Variants in TCERG1L observed in about 807,000 individuals in gnomAD.
TCERG1L encodes transcription elongation regulator 1-like protein.
In TCERG1L, 37 loss-of-function variants were observed where a neutral mutation model predicts 56.3. That is an observed-to-expected ratio of 0.66 (90% CI 0.51 to 0.87). The LOEUF is 0.87. Among genes scored for constraint, TCERG1L ranks in the 40% least tolerant of loss-of-function variants. The probability of loss-of-function intolerance (pLI) is 0.00; values close to 1 mark genes in which losing one functional copy is unlikely to be tolerated. For synonymous variants in TCERG1L, 324 were observed against 326.3 expected (o/e 0.99, Z 0.08); for missense variants, 799 against 774.2 (o/e 1.03, Z -0.38).
chr10:131,126,590 A>C (rs1433823034), intron 8 of TCERG1L, among the ~76,000 whole-genome samples: 1 of 151,952 alleles, frequency 6.6e-6, no homozygotes, highest in Non-Finnish European at 1.5e-5. Context: ...TTTGCGACAG[A>C]CTCTGCTGGG....
chr10:131,104,414 C>G, intron 9 of TCERG1L, 60 bp from the exon 10 acceptor site: 2 of 1,109,058 alleles, frequency 1.8e-6, no homozygotes, highest in South Asian at 2.7e-5. Context: ...TGAAGCCGCC[C>G]TGAAATGATC....
chr10:131,258,131 G>A (rs777308579), intron 4 of TCERG1L, among the ~76,000 whole-genome samples: 98 of 151,938 alleles, frequency 6.4e-4, no homozygotes, highest in Middle Eastern at 3.4e-3. Context: ...TCCTGCCCCT[G>A]CCCAGTTCAT....
chr10:131,099,519 C>G (rs1232071591), intron 10 of TCERG1L, among the ~76,000 whole-genome samples: 2 of 152,164 alleles, frequency 1.3e-5, no homozygotes, highest in Non-Finnish European at 2.9e-5. Context: ...CAACTGGGCA[C>G]CAATCCAACC....
chr10:131,205,231 C>T (rs1433433682), intron 4 of TCERG1L, among the ~76,000 whole-genome samples: 4 of 152,136 alleles, frequency 2.6e-5, no homozygotes, highest in African/African-American at 9.7e-5. Flanking sequence ...TTATGGAACG[C>T]CACATAATTA....
At chr10:131,302,606 TTC>T (rs1186696856) in intron 3 of TCERG1L, among the ~76,000 whole-genome samples, 1 of 62,954 alleles carries the variant, frequency 1.6e-5, no homozygotes, top group East Asian at 4.9e-4. Flanking sequence ...GCCCTCCCAA[TTC>T]TTTTTTTTTT....
rs187255200 is a variant in TCERG1L, at chr10:131,131,095, T to C, written c.1259+3284A>G. Among the ~76,000 whole-genome samples the C allele has an allele frequency of 9.1e-4, 138 of 152,298 alleles. 2 individuals are homozygous for C. The highest frequency in any genetic ancestry group is 1.6e-4 in the Non-Finnish European group (11 of 68,020). On this transcript the variant is annotated intron_variant, in intron 8 of 11. Coordinates refer to ENST00000368642, the MANE Select transcript of TCERG1L (RefSeq NM_174937.4). ...CAGCCGCACAAAACAATCTGATGAC[T>C]TAAGAAAATATATTTCCACTTCAAA...
intron 5 of TCERG1L, chr10:131,164,018 TCG>T (rs1360290811): frequency 6.6e-6 from 1 of 150,868 alleles, no homozygotes; most frequent in South Asian, 2.1e-4. Context: ...TCCCAGCTAC[TCG>T]GGAGGCTGAG....
At chr10:131,095,542 T>A (rs1253129977) in intron 11 of TCERG1L, 1 of 152,200 alleles carries the variant, frequency 6.6e-6, no homozygotes, top group African/African-American at 2.4e-5. Context: ...ATTGTACATG[T>A]TTCACTAGGA....
At chr10:131,159,501 T>A (rs1480375912) in intron 6 of TCERG1L, among the ~76,000 whole-genome samples, 1 of 151,908 alleles carries the variant, frequency 6.6e-6, no homozygotes, top group African/African-American at 2.4e-5. Flanking sequence ...TAAGCATGGG[T>A]TGTTTCAAAT....
chr10:131,115,532 G>A (rs560398094), intron 9 of TCERG1L, among the ~76,000 whole-genome samples: 67 of 152,358 alleles, frequency 4.4e-4, no homozygotes, highest in Non-Finnish European at 7.2e-4. Context: ...TCCACGTCGC[G>A]CTCTGTGCCT....
intron 5 of TCERG1L, among the ~76,000 whole-genome samples, chr10:131,164,876 G>A (rs1173822464): frequency 3.9e-5 from 6 of 152,108 alleles, no homozygotes; most frequent in African/African-American, 7.2e-5. Context: ...GTGGGGAGCC[G>A]CCAGCGCAAC....
At chr10:131,285,470 A>C (rs1846515773) in intron 3 of TCERG1L, among the ~76,000 whole-genome samples, 1 of 11,720 alleles carries the variant, frequency 8.5e-5, no homozygotes, top group Admixed American at 1.2e-3. Flanking sequence ...AAAGGGAAGA[A>C]AGAAAGAAAG....
intron 7 of TCERG1L, among the ~76,000 whole-genome samples, chr10:131,142,702 C>A (rs1310607098): frequency 2.0e-5 from 3 of 152,158 alleles, no homozygotes; most frequent in Non-Finnish European, 4.4e-5. Flanking sequence ...TCCCCATTCC[C>A]CTTCAGTAGA....
chr10:131,129,374 A>G (rs1334056373), intron 8 of TCERG1L, among the ~76,000 whole-genome samples: 1 of 152,254 alleles, frequency 6.6e-6, no homozygotes, highest in African/African-American at 2.4e-5. Flanking sequence ...AGTAAGATTT[A>G]TATGATGTCG....
At chr10:131,137,077 T>C (rs1845683410) in intron 7 of TCERG1L, among the ~76,000 whole-genome samples, 1 of 151,624 alleles carries the variant, frequency 6.6e-6, no homozygotes, top group Non-Finnish European at 1.5e-5. Context: ...AAGGCAGAGG[T>C]TGCAGTGAGC....
intron 6 of TCERG1L, chr10:131,156,369 T>C (rs1022850442): frequency 6.6e-6 from 1 of 152,104 alleles, no homozygotes; most frequent in Non-Finnish European, 1.5e-5. Flanking sequence ...AAAAAGATGT[T>C]ACCCACGGGT....
chr10:131,271,305 C>A (rs144783594), intron 3 of TCERG1L, among the ~76,000 whole-genome samples: 294 of 152,340 alleles, frequency 1.9e-3, no homozygotes, highest in Non-Finnish European at 3.3e-3. Context: ...CCCACTGTGC[C>A]GGCTCAGCAC....
At chr10:131,254,302 A>AATAAATATATAT (rs138202073) in intron 4 of TCERG1L, among the ~76,000 whole-genome samples, 2 of 142,804 alleles carry the variant, frequency 1.4e-5, no homozygotes, top group African/African-American at 5.3e-5. Flanking sequence ...ACTGGATTTA[A>AATAAATATATAT]ATATATATAT....
In TCERG1L at chr10:131,190,379, TC is replaced by T. The variant is rs1421341969; in HGVS notation, c.857-23495del. Reference sequence around the variant, plus strand: ...TTGGTACCAATCCTACTGAAACTGTTCCAAAAGATTAAGAAACAAGGAGGCC... The same window carrying T: ...TTGGTACCAATCCTACTGAAACTGTTCAAAAGATTAAGAAACAAGGAGGCC... On this transcript the variant is annotated intron_variant, in intron 4 of 11. Coordinates refer to ENST00000368642, the MANE Select transcript of TCERG1L (RefSeq NM_174937.4). Among the ~76,000 whole-genome samples the T allele has an allele frequency of 3.3e-5, 5 of 152,172 alleles. No homozygotes were observed. The South Asian group carries it at 6.2e-4, about 19-fold the overall frequency.
Sources: allele counts gnomAD v4.1 joint callset (sites outside exome capture counted in the v4.1 genomes callset), GRCh38; gene constraint gnomAD v4.1.1; transcripts MANE v1.5; gene names NCBI Gene and HGNC (gene_info 2026-07-23, HGNC 2026-07-21).